Variants in ZNF114 observed in about 807,000 individuals in gnomAD.
The protein encoded by ZNF114 is zinc finger protein 114 (Y18).
A neutral mutation model predicts 6.8 loss-of-function variants in ZNF114; 8 were observed. That is an observed-to-expected ratio of 1.18 (90% CI 0.69 to 2.13). The LOEUF (loss-of-function observed/expected upper bound fraction) is 2.13, where lower values mean the gene tolerates loss of function less well. Ranked by LOEUF, ZNF114 falls within the 30% of genes most tolerant of loss-of-function variation. ZNF114 has a pLI of 0.00. For missense variants in ZNF114, 472 were observed against 519.5 expected (o/e 0.91, Z 0.89); for synonymous variants, 169 against 185.5 (o/e 0.91, Z 0.72).
intron 3 of ZNF114, among the ~76,000 whole-genome samples, chr19:48,275,582 C>A (rs1211815557): frequency 1.3e-5 from 2 of 152,020 alleles, no homozygotes; most frequent in Non-Finnish European, 2.9e-5. Flanking sequence ...TGCACTCCAG[C>A]CTGGGTGATA....
chr19:48,286,741 TC>T lies in ZNF114; in HGVS notation c.1119del (p.Ser374GlnfsTer6). Reference protein sequence around the residue: ...CEECGKVIRESSKYTHIRSHT... With the variant: ...CEECGKVIREXSKYTHIRSHT... ...AGAATGTGGGAAAGTCATTCGGGAG[TC>T]CTCAAAATATACACATATAAGGAGC... On this transcript the variant is annotated frameshift_variant, in exon 6 of 6. Coordinates refer to ENST00000595607, the MANE Select transcript of ZNF114 (RefSeq NM_153608.4). LOFTEE classifies it low-confidence loss of function (END_TRUNC). 1.2e-6 allele frequency: 2 copies of T among 1,613,388 alleles called. No individual in the cohort carries two copies. Among genetic ancestry groups the T allele is most frequent in the Middle Eastern group, 3.3e-4 (2 of 6,058 alleles).
At chr19:48,272,707 T>C (rs1261339351) in intron 3 of ZNF114, among the ~76,000 whole-genome samples, 1 of 122,548 alleles carries the variant, frequency 8.2e-6, no homozygotes, top group Non-Finnish European at 1.7e-5. Context: ...AAGTATTGGA[T>C]TGGAGCCTGT....
intron 5 of ZNF114, among the ~76,000 whole-genome samples, 182 bp downstream of exon 5, chr19:48,282,679 ATTTAT>A (rs1238007804): frequency 7.0e-6 from 1 of 141,910 alleles, no homozygotes; most frequent in African/African-American, 2.5e-5. Flanking sequence ...GCATTACTTT[ATTTAT>A]TTTATTTTAT....
intron 5 of ZNF114, among the ~76,000 whole-genome samples, chr19:48,285,550 A>AGGAC (rs1187210172): frequency 6.7e-6 from 1 of 150,076 alleles, no homozygotes; most frequent in African/African-American, 2.5e-5. Context: ...GAAAGAAGGA[A>AGGAC]GGAAGGAAGG....
rs1968156802 is a variant in ZNF114, at chr19:48,287,275, C to T, written c.*397C>T. The T allele has an allele frequency of 1.3e-5, 2 of 155,658 alleles. No homozygotes were observed. The highest frequency in any genetic ancestry group is 1.9e-4 in the South Asian group (1 of 5,144). The allele number at this position is 155,658 out of a possible 1,614,324, so 9.6% of individuals were successfully genotyped here. A position where few individuals can be genotyped will look rare whatever the true frequency, so the allele number is the denominator to read the frequency against. ...CTTTGGGAGGCCGAGGCGGGCGGATCACGAGGTCAGGAGATCAAGACCATC... is the reference window on the plus strand; with the variant it reads ...CTTTGGGAGGCCGAGGCGGGCGGATTACGAGGTCAGGAGATCAAGACCATC... On this transcript the variant is annotated 3_prime_UTR_variant, in exon 6 of 6. Transcript: ENST00000595607.
In ZNF114 at chr19:48,273,984, C is replaced by T. The variant is rs149335928; in HGVS notation, c.-70+2156C>T. 5.5e-3 allele frequency among the ~76,000 whole-genome samples: 831 copies of T among 151,684 alleles called. 17 individuals carry two copies. The highest frequency in any genetic ancestry group is 0.054 in the East Asian group (276 of 5,152). On this transcript the variant is annotated intron_variant, in intron 3 of 5. Transcript: ENST00000595607. ...GTGTTAGCCGGGATGATCTTGATCT[C>T]TTGACCTCGTGATCCGCCCACCTCG...
chr19:48,279,950 C>A, intron 4 of ZNF114, 142 bp downstream of exon 4: 1 of 1,218,464 alleles, frequency 8.2e-7, no homozygotes, highest in Non-Finnish European at 1.2e-6. Flanking sequence ...GGTCTCTGCA[C>A]CTCTGCTTGG....
intron 3 of ZNF114, among the ~76,000 whole-genome samples, 180 bp downstream of exon 3, chr19:48,272,008 C>T (rs1031491331): frequency 6.6e-6 from 1 of 152,246 alleles, no homozygotes; most frequent in African/African-American, 2.4e-5. Flanking sequence ...GAGAAGGGCG[C>T]TTCCCCCATA....
At chr19:48,272,230 G>T (rs998776665) in intron 3 of ZNF114, among the ~76,000 whole-genome samples, 2 of 152,046 alleles carry the variant, frequency 1.3e-5, no homozygotes, top group Non-Finnish European at 2.9e-5. Flanking sequence ...GGCCAACATG[G>T]TGAAACCCCC....
In ZNF114 at chr19:48,282,511, C is replaced by T. The variant is rs747214589; in HGVS notation, c.136+14C>T. ...TGGCATTCATAGGTAAGGAGGCCCC[C>T]TTCCTGCACTTAGTCCGTGATGGGA... On this transcript the variant is annotated intron_variant, in intron 5 of 5. Transcript: ENST00000595607. The T allele has an allele frequency of 2.5e-6, 4 of 1,603,556 alleles. No individual in the cohort carries two copies. Among genetic ancestry groups the T allele is most frequent in the Non-Finnish European group, 2.6e-6 (3 of 1,172,546 alleles).
Position 48,279,788 on chromosome 19 carries a change from T to G in ZNF114, c.-12T>G. 6.2e-7 allele frequency: 1 copy of G among 1,613,990 alleles called. No homozygotes were observed. Among genetic ancestry groups the G allele is most frequent in the East Asian group, 2.2e-5 (1 of 44,866 alleles). ...GGGGAAGCCAGGACTGGCCGTCACGTTGGTGACAAATATGTCCCAGGTAAG... is the reference window on the plus strand; with the variant it reads ...GGGGAAGCCAGGACTGGCCGTCACGGTGGTGACAAATATGTCCCAGGTAAG... On this transcript the variant is annotated 5_prime_UTR_variant, in exon 4 of 6. Coordinates refer to ENST00000595607, the MANE Select transcript of ZNF114 (RefSeq NM_153608.4).
At position 48,286,198 on chromosome 19, in the gene ZNF114, AAAAC is replaced by A. The variant is rs749797736; in HGVS notation, c.576_579del (p.Thr193SerfsTer2). 2 of 1,614,208 alleles carry A rather than the reference AAAAC, an allele frequency of 1.2e-6. No homozygotes were observed. Among genetic ancestry groups the A allele is most frequent in the Non-Finnish European group, 1.7e-6 (2 of 1,180,042 alleles). On this transcript the variant is annotated frameshift_variant, in exon 6 of 6. Transcript: ENST00000595607. LOFTEE classifies it low-confidence loss of function (END_TRUNC). ...CATTCAGTGGGTTCCGTGTGGGAGAAAAACAGAGCTGAAATCAAGCACATGGACT... is the reference window on the plus strand; with the variant it reads ...CATTCAGTGGGTTCCGTGTGGGAGAAAGAGCTGAAATCAAGCACATGGACT...
At chr19:48,282,292 T>G (rs1600844564) in intron 4 of ZNF114, 79 bp from the exon 5 acceptor site, 1 of 1,581,782 alleles carries the variant, frequency 6.3e-7, no homozygotes, top group African/African-American at 1.4e-5. Flanking sequence ...TCAACCTACC[T>G]TTTTCTGTGG....
chr19:48,278,555 G>A (rs1265352910), intron 3 of ZNF114, among the ~76,000 whole-genome samples: 1 of 152,172 alleles, frequency 6.6e-6, no homozygotes, highest in African/African-American at 2.4e-5. Context: ...CCGTTTTATG[G>A]CTGGGTAATA....
chr19:48,279,487 A>T (rs1373881061), intron 3 of ZNF114, among the ~76,000 whole-genome samples: 4 of 65,222 alleles, frequency 6.1e-5, no homozygotes, highest in South Asian at 1.4e-3. Context: ...TGTGTGTGTG[A>T]GTGTGTGTGT....
Position 48,286,384 on chromosome 19 carries a change from G to A in ZNF114, c.760G>A (p.Glu254Lys), listed in dbSNP as rs755586451. 2.2e-5 allele frequency: 35 copies of A among 1,614,046 alleles called. No homozygotes were observed. In the African/African-American group the frequency reaches 2.4e-4, roughly 11 times the overall value. ...GAAAATGTATGATTTTACTCAGTGC[G>A]AGAACACCTCCAGAAATAACTCAAT... ...REKMYDFTQC[E>K]NTSRNNSIHA... The change falls in exon 6 of 6, where the codon GAG (glutamate) becomes AAG (lysine). Residue 254 changes from glutamate (E) to lysine (K), a missense_variant. Transcript: ENST00000595607.
rs946193154 is a variant in ZNF114, at chr19:48,273,964, A to G, written c.-70+2136A>G. ...AGTAGAGACGGGGTTTCACCGTGTTAGCCGGGATGATCTTGATCTCTTGAC... is the reference window on the plus strand; with the variant it reads ...AGTAGAGACGGGGTTTCACCGTGTTGGCCGGGATGATCTTGATCTCTTGAC... On this transcript the variant is annotated intron_variant, in intron 3 of 5. Coordinates refer to ENST00000595607, the MANE Select transcript of ZNF114 (RefSeq NM_153608.4). 1.9e-4 allele frequency among the ~76,000 whole-genome samples: 29 copies of G among 151,636 alleles called. No individual in the cohort carries two copies. The East Asian group carries it at 3.1e-3, about 16-fold the overall frequency.
chr19:48,270,393 GAA>G (rs57820634), intron 1 of ZNF114, among the ~76,000 whole-genome samples, 174 bp downstream of exon 1: 1 of 99,220 alleles, frequency 1.0e-5, no homozygotes, highest in Non-Finnish European at 1.9e-5. Flanking sequence ...ACTTGTCTCA[GAA>G]AAAAAAAAAG....
At chr19:48,278,844 G>A (rs984956605) in intron 3 of ZNF114, among the ~76,000 whole-genome samples, 9 of 152,186 alleles carry the variant, frequency 5.9e-5, no homozygotes, top group African/African-American at 2.2e-4. Context: ...TCGGGAGGCT[G>A]AGACAGGAGA....
Sources: gnomAD v4.1 joint callset for allele counts (sites outside exome capture counted in the v4.1 genomes callset) on GRCh38, gnomAD v4.1.1 for gene constraint, MANE v1.5 for transcripts, NCBI Gene and HGNC (gene_info 2026-07-23, HGNC 2026-07-21) for gene names.